The following DNAH14 variants were observed in gnomAD, a reference collection of about 807,000 sequenced individuals.
DNAH14 encodes dynein axonemal heavy chain 14.
Under a neutral mutation model 520.9 loss-of-function variants are expected in DNAH14, and 478 were observed. The observed-to-expected ratio is 0.92, with a 90% CI of 0.85 to 0.99. The LOEUF (loss-of-function observed/expected upper bound fraction) is 0.99. Ranked by LOEUF, DNAH14 falls within the 50% of genes least tolerant of loss-of-function variation. DNAH14 has a pLI of 0.00. For synonymous variants in DNAH14, 1,581 were observed against 1,757.2 expected (o/e 0.90, Z 2.51); for missense variants, 4,831 against 5,234.5 (o/e 0.92, Z 2.38).
At chr1:225,156,600 T>A (rs2081061684) in intron 34 of DNAH14, among the ~76,000 whole-genome samples, 1 of 152,172 alleles carries the variant, frequency 6.6e-6, no homozygotes, top group Non-Finnish European at 1.5e-5. Flanking sequence ...GTAGACACAC[T>A]GTCACATCAC....
chr1:225,155,540 A>G (rs566518916), intron 34 of DNAH14, among the ~76,000 whole-genome samples: 1 of 152,312 alleles, frequency 6.6e-6, no homozygotes, highest in Non-Finnish European at 1.5e-5. Flanking sequence ...AAACCCAAGT[A>G]TAGCTCCCTG....
intron 20 of DNAH14, among the ~76,000 whole-genome samples, chr1:225,084,775 A>T: frequency 7.3e-6 from 1 of 136,138 alleles, no homozygotes; most frequent in Non-Finnish European, 1.7e-5. Context: ...CCATACTTTA[A>T]CCATAAAGAC....
At chr1:225,375,031 A>G (rs1196455736) in intron 78 of DNAH14, 146 bp downstream of exon 78, 2 of 733,942 alleles carry the variant, frequency 2.7e-6, no homozygotes, top group East Asian at 5.5e-5. Context: ...TAATTTACCC[A>G]TGACTCTATT....
chr1:225,243,780 A>G (rs912883360), intron 43 of DNAH14, among the ~76,000 whole-genome samples: 14 of 152,090 alleles, frequency 9.2e-5, no homozygotes, highest in African/African-American at 3.1e-4. Context: ...ATATACAATC[A>G]TGTCATCTGC....
intron 10 of DNAH14, among the ~76,000 whole-genome samples, chr1:225,019,189 C>T (rs1426184214): frequency 6.6e-6 from 1 of 151,968 alleles, no homozygotes; most frequent in Non-Finnish European, 1.5e-5. Context: ...TCACAAGTAA[C>T]AACACCCATA....
At chr1:225,031,513 T>C (rs1396291172) in intron 11 of DNAH14, among the ~76,000 whole-genome samples, 1 of 150,698 alleles carries the variant, frequency 6.6e-6, no homozygotes, top group Non-Finnish European at 1.5e-5. Context: ...AAGGTTTTGC[T>C]GACCCATGCT....
At chr1:225,308,136 C>A in intron 59 of DNAH14, 149 bp from the exon 60 acceptor site, 1 of 851,606 alleles carries the variant, frequency 1.2e-6, no homozygotes. Context: ...TCATCTCTTG[C>A]TGTCTCTCAT....
chr1:225,184,293 A>G (rs1260641340), intron 36 of DNAH14, among the ~76,000 whole-genome samples: 1 of 151,340 alleles, frequency 6.6e-6, no homozygotes, highest in Non-Finnish European at 1.5e-5. Context: ...ATGCAAATTA[A>G]TGAATGTGAT....
chr1:224,946,116 C>G (rs1444504695), intron 1 of DNAH14, among the ~76,000 whole-genome samples: 1 of 152,292 alleles, frequency 6.6e-6, no homozygotes, highest in South Asian at 2.1e-4. Context: ...GCAGGCAGCC[C>G]TCTTTGAGCT....
intron 41 of DNAH14, among the ~76,000 whole-genome samples, chr1:225,210,775 C>A (rs963979244): frequency 6.6e-6 from 1 of 152,140 alleles, no homozygotes; most frequent in African/African-American, 2.4e-5. Context: ...CTGGTGGGTG[C>A]CCCTGTGGGA....
chr1:224,945,675 A>C (rs745460630), intron 1 of DNAH14, among the ~76,000 whole-genome samples: 4 of 152,242 alleles, frequency 2.6e-5, no homozygotes, highest in Non-Finnish European at 5.9e-5. Context: ...TTTGGTGTGG[A>C]TGTCCTTTCT....
chr1:225,389,489 T>C (rs953923624), intron 82 of DNAH14, among the ~76,000 whole-genome samples: 10 of 152,258 alleles, frequency 6.6e-5, no homozygotes, highest in African/African-American at 2.4e-4. Flanking sequence ...GCAGGCAGGA[T>C]TCCCACTATA....
intron 79 of DNAH14, among the ~76,000 whole-genome samples, chr1:225,379,258 T>G (rs1575112442): frequency 6.6e-6 from 1 of 152,230 alleles, no homozygotes; most frequent in South Asian, 2.1e-4. Flanking sequence ...TGCAGATGCA[T>G]GCAGATGATT....
At chr1:224,935,745 C>T (rs1332569080) in intron 1 of DNAH14, among the ~76,000 whole-genome samples, 1 of 151,620 alleles carries the variant, frequency 6.6e-6, no homozygotes, top group Admixed American at 6.6e-5. Flanking sequence ...ACGTTCTGTC[C>T]AACAATTGCA....
At chr1:224,974,903 A>T (rs1435540619) in intron 8 of DNAH14, among the ~76,000 whole-genome samples, 1 of 152,116 alleles carries the variant, frequency 6.6e-6, no homozygotes, top group African/African-American at 2.4e-5. Context: ...ACGTCCTATC[A>T]ATACCTAATT....
intron 45 of DNAH14, among the ~76,000 whole-genome samples, chr1:225,258,525 G>C (rs1000533004): frequency 2.0e-5 from 3 of 152,076 alleles, no homozygotes; most frequent in African/African-American, 7.2e-5. Context: ...ATTCAATACA[G>C]CTCCTACTCT....
At chr1:225,056,788 A>C (rs2069157897) in intron 17 of DNAH14, among the ~76,000 whole-genome samples, 1 of 152,174 alleles carries the variant, frequency 6.6e-6, no homozygotes, top group Non-Finnish European at 1.5e-5. Context: ...TAAATAGGGA[A>C]TACTTTCCCC....
chr1:224,963,103 A>G (rs986493545), intron 4 of DNAH14, among the ~76,000 whole-genome samples: 3 of 152,002 alleles, frequency 2.0e-5, no homozygotes, highest in African/African-American at 4.8e-5. Flanking sequence ...TTTCCTGTAA[A>G]TTTTTTGTTC....
At chr1:225,374,934 A>C (rs1274834274) in intron 78 of DNAH14, 49 bp downstream of exon 78, 2 of 1,434,056 alleles carry the variant, frequency 1.4e-6, no homozygotes, top group Non-Finnish European at 1.9e-6. Context: ...TTTAAAGTAA[A>C]CATTGTTGCT....
Sources: gnomAD v4.1 joint callset for allele counts (sites outside exome capture counted in the v4.1 genomes callset) on GRCh38, gnomAD v4.1.1 for gene constraint, MANE v1.5 for transcripts, NCBI Gene and HGNC (gene_info 2026-07-23, HGNC 2026-07-21) for gene names.